NCS1: variants seen among roughly 807,000 people sequenced by gnomAD.
The protein encoded by NCS1 is neuronal calcium sensor 1, also known as frequenin homolog.
In NCS1, 6 loss-of-function variants were observed where a neutral mutation model predicts 28.4. The observed-to-expected ratio is 0.21, with a 90% CI of 0.12 to 0.42. The LOEUF (loss-of-function observed/expected upper bound fraction) is 0.42, where lower values mean the gene tolerates loss of function less well. Ranked by LOEUF, NCS1 falls within the 10% of genes least tolerant of loss-of-function variation. The pLI, the probability that NCS1 is intolerant of heterozygous loss-of-function variation, is 1.00. For synonymous variants in NCS1, 86 were observed against 99.3 expected (o/e 0.87, Z 0.79); for missense variants, 131 against 241.4 (o/e 0.54, Z 3.03).
At chr9:130,225,011 A>G (rs1486954624) in intron 6 of NCS1, among the ~76,000 whole-genome samples, 3 of 152,118 alleles carry the variant, frequency 2.0e-5, no homozygotes, top group Non-Finnish European at 2.9e-5. Context: ...GGGCAACGTG[A>G]TGAAACCCCG....
Position 130,232,090 on chromosome 9 carries a change from G to A in NCS1, c.*18-900G>A, listed in dbSNP as rs1478770664. 6.6e-6 allele frequency among the ~76,000 whole-genome samples: 1 copy of A among 152,088 alleles called. No individual in the cohort carries two copies. Among genetic ancestry groups the A allele is most frequent in the Non-Finnish European group, 1.5e-5 (1 of 68,022 alleles). On this transcript the variant is annotated intron_variant, in intron 7 of 7. Coordinates refer to ENST00000372398, the MANE Select transcript of NCS1 (RefSeq NM_014286.4). The surrounding 1 kb of genome is among the most constrained non-coding windows in gnomAD (Gnocchi z 4.4). ...GCCTCCCAAGCAGCTGGAATTATAG[G>A]TGTGCGCAGCCACGTCCGGCTAATT...
In NCS1 at chr9:130,219,900, C is replaced by A; in HGVS notation, c.307+97C>A. ...CCTCACCAGGCAGGGGTGCCAGACA[C>A]CCACTGCAGTGACCACAGATGGCGT... On this transcript the variant is annotated intron_variant, in intron 4 of 7. Coordinates refer to ENST00000372398, the MANE Select transcript of NCS1 (RefSeq NM_014286.4). The surrounding 1 kb of genome is among the most constrained non-coding windows in gnomAD (Gnocchi z 5.7). The A allele has an allele frequency of 1.6e-6, 2 of 1,276,718 alleles. No homozygotes were observed. Among genetic ancestry groups the A allele is most frequent in the Non-Finnish European group, 2.3e-6 (2 of 882,450 alleles). 79.1% of individuals were successfully genotyped at this position (1,276,718 alleles called of 1,614,324 possible). A position where few individuals can be genotyped will look rare whatever the true frequency, so the allele number is the denominator to read the frequency against.
At position 130,213,501 on chromosome 9, in the gene NCS1, C is replaced by T. The variant is rs557641805; in HGVS notation, c.90-4331C>T. ...TCACCGTGTCAGCCAGGATGGTCTC[C>T]ATCTCCTGACCTTGTGATCCGCCCG... On this transcript the variant is annotated intron_variant, in intron 2 of 7. Coordinates refer to ENST00000372398, the MANE Select transcript of NCS1 (RefSeq NM_014286.4). Among the ~76,000 whole-genome samples the T allele has an allele frequency of 6.9e-4, 105 of 151,922 alleles. 1 individual carries two copies. The highest frequency in any genetic ancestry group is 1.1e-3 in the Non-Finnish European group (73 of 67,998).
intron 4 of NCS1, among the ~76,000 whole-genome samples, chr9:130,221,439 G>GAGAA: frequency 7.2e-6 from 1 of 138,770 alleles, no homozygotes; most frequent in South Asian, 2.2e-4. Context: ...GAGAGAGAGA[G>GAGAA]AGAGAGAGAG....
chr9:130,210,028 G>T (rs1035203643), intron 2 of NCS1, among the ~76,000 whole-genome samples: 1 of 152,054 alleles, frequency 6.6e-6, no homozygotes, highest in Non-Finnish European at 1.5e-5. Flanking sequence ...TAAACATCTC[G>T]GGCTGAGTTA....
At position 130,181,558 on chromosome 9, in the gene NCS1, C is replaced by T. The variant is rs180966573; in HGVS notation, c.64+8831C>T. ...AATGGAGGCTCAGAGTGGATGAGAG[C>T]TGGCTCATGGTCCCACGGCTGGAGA... On this transcript the variant is annotated intron_variant, in intron 1 of 7. Transcript: ENST00000372398. The surrounding 1 kb of genome is among the most constrained non-coding windows in gnomAD (Gnocchi z 5.0). 6.6e-6 allele frequency among the ~76,000 whole-genome samples: 1 copy of T among 152,300 alleles called. No individual in the cohort carries two copies. Among genetic ancestry groups the T allele is most frequent in the East Asian group, 1.9e-4 (1 of 5,178 alleles).
chr9:130,208,157 G>A (rs1833053529), intron 2 of NCS1, among the ~76,000 whole-genome samples: 1 of 133,196 alleles, frequency 7.5e-6, no homozygotes, highest in Admixed American at 9.6e-5. Context: ...GTCCATGATG[G>A]AAAAAATGTA....
At chr9:130,211,536 A>G (rs1007925823) in intron 2 of NCS1, among the ~76,000 whole-genome samples, 6 of 151,510 alleles carry the variant, frequency 4.0e-5, no homozygotes, top group African/African-American at 1.5e-4. Context: ...GGAATCAAGC[A>G]GAAGATGTGG....
intron 1 of NCS1, among the ~76,000 whole-genome samples, chr9:130,198,318 TG>T (rs1554907062): frequency 6.6e-6 from 1 of 151,688 alleles, no homozygotes; most frequent in African/African-American, 2.4e-5. Flanking sequence ...GAGACATGGG[TG>T]GGGGGTGTCA....
chr9:130,214,682 A>G (rs782234194), intron 2 of NCS1, among the ~76,000 whole-genome samples: 1 of 152,138 alleles, frequency 6.6e-6, no homozygotes, highest in Non-Finnish European at 1.5e-5. Context: ...AGGCCAAGTG[A>G]GAAGAGGGCT....
At chr9:130,203,036 C>T (rs1263645030) in intron 2 of NCS1, among the ~76,000 whole-genome samples, 3 of 142,000 alleles carry the variant, frequency 2.1e-5, no homozygotes, top group African/African-American at 5.6e-5. Context: ...CTCTTGCCTC[C>T]AGGGTAAATA....
intron 2 of NCS1, among the ~76,000 whole-genome samples, chr9:130,203,147 T>A (rs1269090746): frequency 6.6e-6 from 1 of 150,764 alleles, no homozygotes; most frequent in Non-Finnish European, 1.5e-5. Context: ...TTTTTTTTTT[T>A]TTTTCTTGAG....
intron 1 of NCS1, among the ~76,000 whole-genome samples, chr9:130,188,994 G>A (rs546636777): frequency 1.3e-5 from 2 of 152,342 alleles, no homozygotes; most frequent in East Asian, 1.9e-4. Flanking sequence ...TGGGATTACA[G>A]GCATGAGCCA....
At chr9:130,201,658 T>C (rs1345243853) in intron 2 of NCS1, among the ~76,000 whole-genome samples, 2 of 152,138 alleles carry the variant, frequency 1.3e-5, no homozygotes, top group African/African-American at 4.8e-5. Context: ...CATGAGGCAA[T>C]GAGCTTGGAG....
chr9:130,224,169 C>T lies in NCS1; in HGVS notation c.474+1010C>T, dbSNP rs1478302029. On this transcript the variant is annotated intron_variant, in intron 6 of 7. Coordinates refer to ENST00000372398, the MANE Select transcript of NCS1 (RefSeq NM_014286.4). Reference sequence around the variant, plus strand: ...CCAAGAAACCCTTCTTTAAAGGGAACCAAAGCCAGGTGTGGTGGCTCACAC... The same window carrying T: ...CCAAGAAACCCTTCTTTAAAGGGAATCAAAGCCAGGTGTGGTGGCTCACAC... Among the ~76,000 whole-genome samples, 61 of 149,324 alleles carry T rather than the reference C, an allele frequency of 4.1e-4. 3 individuals carry two copies. The highest frequency in any genetic ancestry group is 1.5e-5 in the Non-Finnish European group (1 of 67,268).
rs1194520892 is a variant in NCS1, at chr9:130,219,980, G to A, written c.307+177G>A. 6.6e-6 allele frequency among the ~76,000 whole-genome samples: 1 copy of A among 152,234 alleles called. No homozygotes were observed. The highest frequency in any genetic ancestry group is 1.5e-5 in the Non-Finnish European group (1 of 68,050). The stretch of plus-strand genomic sequence containing the variant: ...GGCCCTGGGCAGGTGGCCCTCACAC[G>A]GCCACGTAACTAGGCCAGGCTGACT... On this transcript the variant is annotated intron_variant, in intron 4 of 7. Coordinates refer to ENST00000372398, the MANE Select transcript of NCS1 (RefSeq NM_014286.4). This position sits in a 1 kb window ranked among gnomAD's most constrained non-coding sequence, Gnocchi z 5.7.
intron 2 of NCS1, among the ~76,000 whole-genome samples, chr9:130,210,515 G>A (rs1453486207): frequency 1.3e-5 from 2 of 152,188 alleles, no homozygotes. Flanking sequence ...GGTAACGGGG[G>A]TTGGGCTGTC....
Position 130,176,180 on chromosome 9 carries a change from TTCTTTCTTTCTTTC to T in NCS1, c.64+3455_64+3468del, listed in dbSNP as rs1554904620. Among the ~76,000 whole-genome samples, 135 of 67,064 alleles carry T rather than the reference TTCTTTCTTTCTTTC, an allele frequency of 2.0e-3. 18 individuals are homozygous for T. The highest frequency in any genetic ancestry group is 0.018 in the East Asian group (10 of 564). The allele number at this position is 67,064 out of a possible 152,430, so 44.0% of individuals were successfully genotyped here. A position where few individuals can be genotyped will look rare whatever the true frequency, so the allele number is the denominator to read the frequency against. ...TTTCTTTCTTTCTTTCTTTCTTTCTTTCTTTCTTTCTTTCTTTTTTTTTTTTTTTGGAGACAGGG... is the reference window on the plus strand; with the variant it reads ...TTTCTTTCTTTCTTTCTTTCTTTCTTTTTTTTTTTTTTTTTGGAGACAGGG... On this transcript the variant is annotated intron_variant, in intron 1 of 7. Transcript: ENST00000372398.
chr9:130,219,886 A>G lies in NCS1; in HGVS notation c.307+83A>G. Reference sequence around the variant, plus strand: ...AGGCAGCCCTCGGCCCTCACCAGGCAGGGGTGCCAGACACCCACTGCAGTG... The same window carrying G: ...AGGCAGCCCTCGGCCCTCACCAGGCGGGGGTGCCAGACACCCACTGCAGTG... On this transcript the variant is annotated intron_variant, in intron 4 of 7. Coordinates refer to ENST00000372398, the MANE Select transcript of NCS1 (RefSeq NM_014286.4). This position sits in a 1 kb window ranked among gnomAD's most constrained non-coding sequence, Gnocchi z 5.7. The G allele has an allele frequency of 1.4e-6, 2 of 1,420,880 alleles. No individual in the cohort carries two copies. The highest frequency in any genetic ancestry group is 2.0e-6 in the Non-Finnish European group (2 of 1,009,742). The allele number at this position is 1,420,880 out of a possible 1,614,324, so 88.0% of individuals were successfully genotyped here. A position where few individuals can be genotyped will look rare whatever the true frequency, so the allele number is the denominator to read the frequency against.
Sources: gnomAD v4.1 joint callset for allele counts (sites outside exome capture counted in the v4.1 genomes callset) on GRCh38, gnomAD v4.1.1 for gene constraint, Gnocchi (gnomAD v3.1) non-coding constraint, MANE v1.5 for transcripts, NCBI Gene and HGNC (gene_info 2026-07-23, HGNC 2026-07-21) for gene names.